LEPR: variants seen among roughly 807,000 people sequenced by gnomAD.
LEPR encodes leptin receptor, also known as OB receptor.
A neutral mutation model predicts 114.7 loss-of-function variants in LEPR; 56 were observed. The ratio of observed to expected loss-of-function variants is 0.49; its 90% CI spans 0.39 to 0.61. The LOEUF (loss-of-function observed/expected upper bound fraction) is 0.61. LEPR is among the 20% of genes least tolerant of loss of function. The pLI is 0.00. For synonymous variants in LEPR, 443 were observed against 461.4 expected, an observed-to-expected ratio of 0.96 and a Z score of 0.51; for missense variants, 1,202 against 1,352.9, an observed-to-expected ratio of 0.89 and a Z score of 1.75.
At position 65,592,343 on chromosome 1, in the gene LEPR, GA is replaced by G. The variant is rs141940216; in HGVS notation, c.495-305del. 2.6e-3 allele frequency among the ~76,000 whole-genome samples: 359 copies of G among 139,186 alleles called. 2 individuals are homozygous for G. Among genetic ancestry groups the G allele is most frequent in the African/African-American group, 9.0e-3 (338 of 37,660 alleles). 91.3% of individuals were successfully genotyped at this position (139,186 alleles called of 152,430 possible). ...GAATTATTTTTGCTTTGGTATGTCTGAAAAAAAAAGCCTTTATTTCATCATT... is the reference window on the plus strand; with the variant it reads ...GAATTATTTTTGCTTTGGTATGTCTGAAAAAAAAGCCTTTATTTCATCATT... On this transcript the variant is annotated intron_variant, in intron 5 of 19. Transcript: ENST00000349533.
At chr1:65,430,196 G>A (rs1349614134) in intron 2 of LEPR, 1 of 598,530 alleles carries the variant, frequency 1.7e-6, no homozygotes, top group Non-Finnish European at 2.6e-6. Flanking sequence ...CTTTAGACCT[G>A]CCTAACAGTA....
At chr1:65,512,909 T>G (rs1346513495) in intron 2 of LEPR, among the ~76,000 whole-genome samples, 1 of 152,168 alleles carries the variant, frequency 6.6e-6, no homozygotes, top group African/African-American at 2.4e-5. Flanking sequence ...GAAATTTAAA[T>G]TTTGTCTTCT....
chr1:65,573,961 T>C (rs1045194698), intron 5 of LEPR, among the ~76,000 whole-genome samples: 2 of 152,108 alleles, frequency 1.3e-5, no homozygotes, highest in Non-Finnish European at 2.9e-5. Context: ...TAAAGACATG[T>C]AAAAAAGGAT....
At chr1:65,595,214 G>A (rs1020588600) in intron 6 of LEPR, among the ~76,000 whole-genome samples, 6 of 152,046 alleles carry the variant, frequency 3.9e-5, no homozygotes, top group Admixed American at 3.3e-4. Context: ...CCGTAGTTAG[G>A]CAAGTGTCTC....
intron 2 of LEPR, among the ~76,000 whole-genome samples, chr1:65,428,831 A>G (rs1557583899): frequency 2.0e-5 from 3 of 150,030 alleles, no homozygotes; most frequent in East Asian, 3.9e-4. Flanking sequence ...CCAGATGGCA[A>G]TTTTTTTTTT....
intron 2 of LEPR, among the ~76,000 whole-genome samples, chr1:65,482,123 T>TACACACACAC (rs141690381): frequency 3.1e-4 from 47 of 149,628 alleles, no homozygotes; most frequent in Non-Finnish European, 4.8e-4. Flanking sequence ...ATTTTACACA[T>TACACACACAC]ACACACACAC....
intron 2 of LEPR, among the ~76,000 whole-genome samples, chr1:65,535,598 G>A (rs181686679): frequency 2.0e-5 from 3 of 151,966 alleles, no homozygotes; most frequent in Admixed American, 1.3e-4. Context: ...TGATCCTCCC[G>A]CTTTGGCCTC....
At chr1:65,525,332 G>C (rs1649858635) in intron 2 of LEPR, among the ~76,000 whole-genome samples, 1 of 152,190 alleles carries the variant, frequency 6.6e-6, no homozygotes, top group Admixed American at 6.5e-5. Context: ...TCACCGACGC[G>C]GGTCCGGGGT....
intron 2 of LEPR, among the ~76,000 whole-genome samples, chr1:65,519,048 T>TTCTC (rs1169840495): frequency 6.7e-6 from 1 of 149,968 alleles, no homozygotes; most frequent in East Asian, 1.9e-4. Flanking sequence ...TTTTCTTTCT[T>TTCTC]TCTCTCTCTC....
At chr1:65,502,686 A>C (rs1260649031) in intron 2 of LEPR, among the ~76,000 whole-genome samples, 1 of 152,162 alleles carries the variant, frequency 6.6e-6, no homozygotes, top group Non-Finnish European at 1.5e-5. Context: ...TGAAGCCTTC[A>C]TTGTGAGGCT....
At chr1:65,506,489 C>T (rs1648736118) in intron 2 of LEPR, among the ~76,000 whole-genome samples, 1 of 152,192 alleles carries the variant, frequency 6.6e-6, no homozygotes, top group African/African-American at 2.4e-5. Flanking sequence ...TGCAAGGACT[C>T]TTCAATTAAG....
chr1:65,579,632 G>A (rs1654842655), intron 5 of LEPR, among the ~76,000 whole-genome samples: 1 of 152,142 alleles, frequency 6.6e-6, no homozygotes, highest in Admixed American at 6.5e-5. Flanking sequence ...TAAATGCTTT[G>A]GATGTGATTA....
intron 2 of LEPR, among the ~76,000 whole-genome samples, chr1:65,452,069 GCTGT>G (rs1429435526): frequency 1.6e-4 from 24 of 151,888 alleles, no homozygotes; most frequent in African/African-American, 5.3e-4. Flanking sequence ...TCATGATTTG[GCTGT>G]CTGTTTGTCT....
At chr1:65,604,939 T>G (rs1656716511) in intron 10 of LEPR, 99 bp from the exon 11 acceptor site, 1 of 1,461,274 alleles carries the variant, frequency 6.8e-7, no homozygotes, top group Non-Finnish European at 9.3e-7. Context: ...GCCAAAAAGG[T>G]TGGGGACTGC....
At chr1:65,635,707 T>G (rs761965315) in intron 19 of LEPR, among the ~76,000 whole-genome samples, 14 of 152,172 alleles carry the variant, frequency 9.2e-5, no homozygotes, top group Non-Finnish European at 2.1e-4. Flanking sequence ...GTTATTTTGG[T>G]CATTTCATTT....
intron 7 of LEPR, 116 bp downstream of exon 7, chr1:65,596,709 G>T: frequency 2.2e-6 from 2 of 912,210 alleles, no homozygotes; most frequent in Non-Finnish European, 3.3e-6. Context: ...AAAGCAGAAT[G>T]AATTATAATT....
chr1:65,625,481 A>G (rs556945018), intron 19 of LEPR, among the ~76,000 whole-genome samples: 7 of 152,292 alleles, frequency 4.6e-5, no homozygotes, highest in African/African-American at 1.7e-4. Context: ...TATCATGGAA[A>G]TAGCATTACT....
At chr1:65,449,260 CTTTTT>C (rs201429452) in intron 2 of LEPR, among the ~76,000 whole-genome samples, 2 of 118,560 alleles carry the variant, frequency 1.7e-5, no homozygotes. Context: ...TTTTATTTAT[CTTTTT>C]TTTTTTTTTT....
rs569441377 is a variant in LEPR, at chr1:65,545,851, C to T, written c.-20-19695C>T. 2.0e-5 allele frequency among the ~76,000 whole-genome samples: 3 copies of T among 151,734 alleles called. No homozygotes were observed. In the South Asian group the frequency reaches 6.3e-4, roughly 32 times the overall value. On this transcript the variant is annotated intron_variant, in intron 2 of 19. Coordinates refer to ENST00000349533, the MANE Select transcript of LEPR (RefSeq NM_002303.6). Reference sequence around the variant, plus strand: ...TCAATTTTGGCTTTTGTTGCCATTGCTTTTGGTGTTTTAGACATGAAGTCC... The same window carrying T: ...TCAATTTTGGCTTTTGTTGCCATTGTTTTTGGTGTTTTAGACATGAAGTCC...
Sources: allele counts gnomAD v4.1 joint callset (sites outside exome capture counted in the v4.1 genomes callset), GRCh38; gene constraint gnomAD v4.1.1; transcripts MANE v1.5; gene names NCBI Gene and HGNC (gene_info 2026-07-23, HGNC 2026-07-21).